The following LRRC56 variants were observed in gnomAD, a reference collection of about 807,000 sequenced individuals.
LRRC56 encodes leucine-rich repeat-containing protein 56.
Under a neutral mutation model 47.8 loss-of-function variants are expected in LRRC56, and 41 were observed. The observed-to-expected ratio is 0.86, with a 90% CI of 0.67 to 1.11. LRRC56 has a LOEUF of 1.11. Among genes scored for constraint, LRRC56 ranks in the 50% most tolerant of loss-of-function variants. The pLI is 0.00. For synonymous variants in LRRC56, 387 were observed against 311.2 expected (o/e 1.24, Z -2.56); for missense variants, 759 against 704.2 (o/e 1.08, Z -0.88).
upstream of LRRC56, chr11:533,392 C>G (rs552000625): frequency 2.5e-6 from 4 of 1,609,110 alleles, no homozygotes; most frequent in South Asian, 4.4e-5. Flanking sequence ...GAGTGCTGCT[C>G]CCTGGCTGGG....
At chr11:529,663 C>G in the LRRC56 span, 1 of 152,318 alleles carries the variant, frequency 6.6e-6, no homozygotes, top group Non-Finnish European at 1.5e-5. Flanking sequence ...CACAGGGACC[C>G]AGATCTATGG....
upstream of LRRC56, chr11:533,500 G>C (rs772211333): frequency 1.2e-6 from 2 of 1,613,606 alleles, no homozygotes; most frequent in South Asian, 1.1e-5. Context: ...CCGTAGCTTC[G>C]GGCGAGGTCC....
At chr11:539,795 A>C (rs925477747) in intron 3 of LRRC56, 69 bp downstream of exon 3, 1 of 152,536 alleles carries the variant, frequency 6.6e-6, no homozygotes, top group Non-Finnish European at 1.5e-5. Context: ...AGAGGGACAC[A>C]CTGGGCCAAT....
In LRRC56 at chr11:552,687, C is replaced by G. The variant is rs904540549; in HGVS notation, c.1300C>G (p.Pro434Ala). 1.2e-6 allele frequency: 2 copies of G among 1,606,834 alleles called. No individual in the cohort carries two copies. Among genetic ancestry groups the G allele is most frequent in the African/African-American group, 1.3e-5 (1 of 74,786 alleles). Residue 434 changes from proline to alanine, a missense_variant, in exon 13 of 14, where the codon CCA (proline) becomes GCA (alanine). Pro to Ala is a conservative substitution (Grantham distance 27). Coordinates refer to ENST00000270115, the MANE Select transcript of LRRC56 (RefSeq NM_198075.4). ...AGAGCCCAAGACTCCCTCCAGCCCC[C>G]CAAGCCTGGCCTCAGGTACTGAGCC... The part of the protein sequence containing the change: ...QAEPKTPSSP[P>A]SLASEPSGTS...
the LRRC56 span, chr11:532,474 C>T: frequency 3.1e-5 from 29 of 949,862 alleles, no homozygotes; most frequent in East Asian, 2.6e-4. Flanking sequence ...CTCCTCCTTC[C>T]GTCTGCACCT....
the LRRC56 span, among the ~76,000 whole-genome samples, chr11:517,876 C>A: frequency 6.6e-6 from 1 of 152,224 alleles, no homozygotes; most frequent in African/African-American, 2.4e-5. Flanking sequence ...TACCCCCAAC[C>A]CCGTGCTCTC....
In LRRC56 at chr11:551,944, C is replaced by T. The variant is rs751303816; in HGVS notation, c.1015C>T (p.Arg339Trp). 4.3e-6 allele frequency: 7 copies of T among 1,612,644 alleles called. No homozygotes were observed. Among genetic ancestry groups the T allele is most frequent in the African/African-American group, 4.0e-5 (3 of 75,036 alleles). The change falls in exon 11 of 14, where the codon CGG becomes TGG. Residue 339 changes from arginine to tryptophan, a missense_variant. By Grantham distance (101) the Arg-to-Trp change is moderately radical. Transcript: ENST00000270115. ...CTGTGGGAACCCCACCAAGGGCCTG[C>T]GGGAGCGTAGGCACCAGTGCCAGGT... ...VLCGNPTKGLRERRHQCQARE... is the reference protein window; with the variant it reads ...VLCGNPTKGLWERRHQCQARE...
At chr11:553,426 A>G (rs1852538538) in intron 13 of LRRC56, among the ~76,000 whole-genome samples, 1 of 151,826 alleles carries the variant, frequency 6.6e-6, no homozygotes, top group South Asian at 2.1e-4. Flanking sequence ...GTGTCTGTGG[A>G]GGGGGCAGAC....
the LRRC56 span, among the ~76,000 whole-genome samples, chr11:514,310 G>A: frequency 4.0e-5 from 6 of 148,610 alleles, no homozygotes; most frequent in South Asian, 8.5e-4. Flanking sequence ...TTTTTGAGAC[G>A]AGGTCTTGCT....
upstream of LRRC56, chr11:533,133 G>A (rs1328393025): frequency 9.3e-6 from 7 of 754,688 alleles, no homozygotes; most frequent in East Asian, 1.6e-4. Flanking sequence ...CCGGGCCCCA[G>A]GGTCACCGCT....
the LRRC56 span, among the ~76,000 whole-genome samples, chr11:518,511 T>C: frequency 2.0e-5 from 3 of 151,880 alleles, no homozygotes; most frequent in African/African-American, 2.4e-5. Flanking sequence ...GTATTGTTGG[T>C]AGAGATGGGG....
upstream of LRRC56, chr11:534,621 T>A: frequency 5.8e-6 from 3 of 515,268 alleles, no homozygotes; most frequent in South Asian, 6.8e-5. Flanking sequence ...AAGGCAGGGC[T>A]GACAGCTGAG....
chr11:518,411 G>C, the LRRC56 span, among the ~76,000 whole-genome samples: 1 of 152,142 alleles, frequency 6.6e-6, no homozygotes, highest in Non-Finnish European at 1.5e-5. Flanking sequence ...TCGATCTCCT[G>C]ACCTCGTGAT....
chr11:544,796 G>T lies in LRRC56; in HGVS notation c.326+16G>T. Reference sequence around the variant, plus strand: ...GCTCCCTGAGGTGAGCGCCTGAGGGGGGTGGGCTGGGGCCCTGCCATGAGG... The same window carrying T: ...GCTCCCTGAGGTGAGCGCCTGAGGGTGGTGGGCTGGGGCCCTGCCATGAGG... On this transcript the variant is annotated intron_variant, in intron 6 of 13. Coordinates refer to ENST00000270115, the MANE Select transcript of LRRC56 (RefSeq NM_198075.4). The T allele has an allele frequency of 6.2e-7, 1 of 1,611,098 alleles. No homozygotes were observed.
At chr11:529,590 C>G in the LRRC56 span, 1 of 152,252 alleles carries the variant, frequency 6.6e-6, no homozygotes, top group Non-Finnish European at 1.5e-5. Context: ...AGGGACTTCC[C>G]AGTCTTGTCC....
At chr11:507,878 C>T in the LRRC56 span, among the ~76,000 whole-genome samples, 4 of 152,236 alleles carry the variant, frequency 2.6e-5, no homozygotes, top group Admixed American at 1.3e-4. Flanking sequence ...GCCGCGGCCT[C>T]GTCCCGAGTG....
the LRRC56 span, among the ~76,000 whole-genome samples, chr11:508,240 GCTGCAGC>G: frequency 1.3e-5 from 2 of 152,162 alleles, no homozygotes; most frequent in African/African-American, 4.8e-5. Flanking sequence ...ATCCCAGCTC[GCTGCAGC>G]CTCCACCTCC....
At chr11:553,937 G>T in intron 13 of LRRC56, 26 bp from the exon 14 acceptor site, 1 of 1,600,168 alleles carries the variant, frequency 6.2e-7, no homozygotes, top group Non-Finnish European at 8.5e-7. Context: ...CCTTTCTGAC[G>T]TCCCATCACT....
upstream of LRRC56, chr11:535,568 G>A (rs1161904151): frequency 2.0e-5 from 3 of 149,464 alleles, no homozygotes; most frequent in Non-Finnish European, 4.5e-5. Context: ...CGGAGACTCG[G>A]GCGGGCCTGC....
Sources: gnomAD v4.1 joint callset for allele counts (sites outside exome capture counted in the v4.1 genomes callset) on GRCh38, gnomAD v4.1.1 for gene constraint, MANE v1.5 for transcripts, NCBI Gene and HGNC (gene_info 2026-07-23, HGNC 2026-07-21) for gene names.